The following ATF6 variants were observed in gnomAD, a reference collection of about 807,000 sequenced individuals.
The protein encoded by ATF6 is activating transcription factor 6.
ATF6 carries 53 observed loss-of-function variants against 83.6 expected under a neutral mutation model. The ratio of observed to expected loss-of-function variants is 0.63; its 90% CI spans 0.51 to 0.80. The LOEUF is 0.80. ATF6 is among the 30% of genes least tolerant of loss of function. The pLI is 0.00. For synonymous variants in ATF6, 288 were observed against 285.8 expected (o/e 1.01, Z -0.08); for missense variants, 744 against 797.9 (o/e 0.93, Z 0.81).
At chr1:161,920,729 C>T (rs1688196873) in intron 15 of ATF6, among the ~76,000 whole-genome samples, 1 of 151,860 alleles carries the variant, frequency 6.6e-6, no homozygotes, top group South Asian at 2.1e-4. Flanking sequence ...TTTGGCCTTT[C>T]CCAGATGATC....
intron 15 of ATF6, among the ~76,000 whole-genome samples, chr1:161,939,150 G>A (rs1277424340): frequency 6.6e-6 from 1 of 151,986 alleles, no homozygotes; most frequent in Non-Finnish European, 1.5e-5. Flanking sequence ...ACATCACCTT[G>A]GAACACTTTA....
At chr1:161,766,528 C>A in intron 1 of ATF6, 86 bp downstream of exon 1, 2 of 1,302,066 alleles carry the variant, frequency 1.5e-6, no homozygotes, top group Admixed American at 1.9e-5. Flanking sequence ...CTCGTGGTGA[C>A]AGGTGTGGAC....
At chr1:161,816,629 A>G (rs1685620790) in intron 7 of ATF6, among the ~76,000 whole-genome samples, 1 of 152,222 alleles carries the variant, frequency 6.6e-6, no homozygotes, top group Non-Finnish European at 1.5e-5. Context: ...TAGTAATTTC[A>G]ACAAGAGGAG....
chr1:161,819,777 A>C lies in ATF6; in HGVS notation c.1054A>C (p.Asn352His). ...LSENEQLKKE[N>H]GTLKRQLDEV... Reference sequence around the variant, plus strand: ...AGAAAACGAGCAACTGAAGAAAGAAAATGGAACACTGAAGCGGCAGCTGGA... The same window carrying C: ...AGAAAACGAGCAACTGAAGAAAGAACATGGAACACTGAAGCGGCAGCTGGA... Residue 352 changes from asparagine to histidine, a missense_variant, in exon 8 of 16, where the codon AAT (asparagine) becomes CAT (histidine). Asn to His is a moderately conservative substitution (Grantham distance 68, BLOSUM62 1). Coordinates refer to ENST00000367942, the MANE Select transcript of ATF6 (RefSeq NM_007348.4). 6.2e-7 allele frequency: 1 copy of C among 1,612,462 alleles called. No individual in the cohort carries two copies. Among genetic ancestry groups the C allele is most frequent in the Non-Finnish European group, 8.5e-7 (1 of 1,179,308 alleles).
intron 7 of ATF6, among the ~76,000 whole-genome samples, chr1:161,811,956 A>G (rs534376772): frequency 2.7e-4 from 41 of 152,318 alleles, no homozygotes; most frequent in South Asian, 1.2e-3. Flanking sequence ...CAATATTACA[A>G]TTCTGTCAGT....
chr1:161,925,822 G>A (rs1688300845), intron 15 of ATF6, among the ~76,000 whole-genome samples: 1 of 152,192 alleles, frequency 6.6e-6, no homozygotes, highest in African/African-American at 2.4e-5. Flanking sequence ...AACACACAGT[G>A]AAATTTGAAC....
At chr1:161,894,521 C>CTTTTTTTTTTTTTTTT (rs71093131) in intron 14 of ATF6, among the ~76,000 whole-genome samples, 1 of 44,850 alleles carries the variant, frequency 2.2e-5, no homozygotes, top group African/African-American at 6.6e-5. Context: ...GTTTTGTAGT[C>CTTTTTTTTTTTTTTTT]TTTTTTTTTT....
At chr1:161,884,684 C>T (rs1182198895) in intron 14 of ATF6, among the ~76,000 whole-genome samples, 3 of 152,084 alleles carry the variant, frequency 2.0e-5, no homozygotes, top group Non-Finnish European at 4.4e-5. Context: ...CAAACAAGCC[C>T]TTGCTTTTCC....
rs948899445 is a variant in ATF6 at position 161,961,755 on chromosome 1, A to G, written c.*3101A>G. ...AGATGATTTTGTGCTCTTGGGGCTGACAATAATACACTCTTGGGAAGTGAT... is the reference window on the plus strand; with the variant it reads ...AGATGATTTTGTGCTCTTGGGGCTGGCAATAATACACTCTTGGGAAGTGAT... On this transcript the variant is annotated 3_prime_UTR_variant, in exon 16 of 16. Transcript: ENST00000367942. The G allele has an allele frequency of 1.3e-5, 2 of 152,184 alleles. No individual in the cohort carries two copies. Among genetic ancestry groups the G allele is most frequent in the Non-Finnish European group, 2.9e-5 (2 of 68,042 alleles). The allele number at this position is 152,184 out of a possible 1,614,324, so 9.4% of individuals were successfully genotyped here.
chr1:161,920,178 A>G (rs1352340128), intron 15 of ATF6, among the ~76,000 whole-genome samples: 1 of 150,282 alleles, frequency 6.7e-6, no homozygotes, highest in East Asian at 1.9e-4. Context: ...ATTGTAATTC[A>G]TTTCATTTCA....
At chr1:161,851,923 A>C in intron 11 of ATF6, 88 bp downstream of exon 11, 1 of 896,604 alleles carries the variant, frequency 1.1e-6, no homozygotes, top group African/African-American at 1.7e-5. Context: ...CAAGTTCACT[A>C]AGTGACTGAG....
chr1:161,851,233 A>AACACACACACACACACAC (rs60202873), intron 10 of ATF6, among the ~76,000 whole-genome samples: 3 of 75,488 alleles, frequency 4.0e-5, no homozygotes, highest in East Asian at 2.9e-4. Context: ...CCCTATCCTT[A>AACACACACACACACACAC]ACACACACAC....
At chr1:161,829,365 C>T (rs187175625) in intron 9 of ATF6, among the ~76,000 whole-genome samples, 1 of 151,938 alleles carries the variant, frequency 6.6e-6, no homozygotes, top group African/African-American at 2.4e-5. Context: ...AGAAAGTTAA[C>T]AGGGATATCC....
At chr1:161,924,603 T>C (rs897351936) in intron 15 of ATF6, among the ~76,000 whole-genome samples, 3 of 152,242 alleles carry the variant, frequency 2.0e-5, no homozygotes, top group African/African-American at 2.4e-5. Context: ...ATGCCTAGCT[T>C]AAATATAATA....
intron 14 of ATF6, among the ~76,000 whole-genome samples, chr1:161,871,840 A>G (rs976194656): frequency 6.8e-6 from 1 of 147,164 alleles, no homozygotes; most frequent in Admixed American, 7.3e-5. Context: ...TATAGTTTTT[A>G]TCTGTGTGTT....
chr1:161,912,303 T>C lies in ATF6; in HGVS notation c.1727T>C (p.Leu576Pro), dbSNP rs1350739993. 1 of 1,604,134 alleles carries C rather than the reference T, an allele frequency of 6.2e-7. No homozygotes were observed. The change falls in exon 15 of 16, where the codon CTG becomes CCG. Residue 576 changes from leucine to proline, a missense_variant. By Grantham distance (98) the Leu-to-Pro change is moderately conservative. Coordinates refer to ENST00000367942, the MANE Select transcript of ATF6 (RefSeq NM_007348.4). ...FYVVSFRRDH[L>P]LLPATTHNKT... ...GTTCTTTGTTAATTTTAGGATCACC[T>C]GCTGTTACCAGCTACCACCCATAAC...
At chr1:161,801,437 A>G (rs1176843138) in intron 6 of ATF6, among the ~76,000 whole-genome samples, 1 of 140,070 alleles carries the variant, frequency 7.1e-6, no homozygotes, top group Non-Finnish European at 1.5e-5. Context: ...GACTCGAGGC[A>G]CATACCACCA....
At chr1:161,815,254 C>T (rs1571155644) in intron 7 of ATF6, among the ~76,000 whole-genome samples, 1 of 137,308 alleles carries the variant, frequency 7.3e-6, no homozygotes. Context: ...AACAGTGATG[C>T]GATCATGGCT....
intron 7 of ATF6, among the ~76,000 whole-genome samples, chr1:161,807,001 G>T (rs1199050081): frequency 1.3e-5 from 2 of 152,026 alleles, no homozygotes; most frequent in African/African-American, 4.8e-5. Flanking sequence ...TGAGCTTGGA[G>T]AATCTACCAT....
Sources: gnomAD v4.1 joint callset for allele counts (sites outside exome capture counted in the v4.1 genomes callset) on GRCh38, gnomAD v4.1.1 for gene constraint, MANE v1.5 for transcripts, NCBI Gene and HGNC (gene_info 2026-07-23, HGNC 2026-07-21) for gene names.